Variants in RBFOX1 observed in about 807,000 individuals in gnomAD.
RBFOX1 encodes RNA binding protein fox-1 homolog 1.
RBFOX1 carries 8 observed loss-of-function variants against 57.7 expected under a neutral mutation model. That is an observed-to-expected ratio of 0.14 (90% confidence interval 0.08 to 0.25). RBFOX1 has a LOEUF of 0.25. Among genes scored for constraint, RBFOX1 ranks in the 10% least tolerant of loss-of-function variants. The probability of loss-of-function intolerance (pLI) is 1.00; values close to 1 mark genes in which losing one functional copy is unlikely to be tolerated. For missense variants in RBFOX1, 611 were observed against 548.5 expected (o/e 1.11, Z -1.14); for synonymous variants, 326 against 222.4 (o/e 1.47, Z -4.15).
intron 2 of RBFOX1, among the ~76,000 whole-genome samples, chr16:5,543,454 A>G (rs11648316): frequency 0.31 from 47,294 of 152,098 alleles, 7,942 homozygotes; most frequent in Non-Finnish European, 0.37. Context: ...ATGAGTGAAC[A>G]TGATGACATA....
intron 3 of RBFOX1, among the ~76,000 whole-genome samples, chr16:5,761,672 C>T (rs970641108): frequency 1.4e-4 from 21 of 152,112 alleles, no homozygotes; most frequent in East Asian, 3.9e-4. Context: ...TACCTCTCAC[C>T]GGGTCCTTTC....
chr16:6,461,664 A>AT (rs2094924688), intron 2 of RBFOX1, among the ~76,000 whole-genome samples: 1 of 152,110 alleles, frequency 6.6e-6, no homozygotes, highest in South Asian at 2.1e-4. Flanking sequence ...GGATAACATG[A>AT]TTTTGTTTTG....
intron 1 of RBFOX1, among the ~76,000 whole-genome samples, chr16:6,179,696 A>G (rs1488991416): frequency 6.6e-6 from 1 of 152,058 alleles, no homozygotes; most frequent in Non-Finnish European, 1.5e-5. Context: ...TCCTATTATT[A>G]TTGTTGTTAT....
At chr16:5,983,931 C>T in intron 4 of RBFOX1, among the ~76,000 whole-genome samples, 1 of 144,722 alleles carries the variant, frequency 6.9e-6, no homozygotes, top group Non-Finnish European at 1.5e-5. Flanking sequence ...TCCTCCCCCT[C>T]CTCCTCCTCC....
chr16:7,574,589 C>T (rs1182644942), intron 5 of RBFOX1, among the ~76,000 whole-genome samples: 2 of 152,144 alleles, frequency 1.3e-5, no homozygotes, highest in African/African-American at 4.8e-5. Flanking sequence ...GGCTGGAAGA[C>T]TCAGCCAGTC....
intron 3 of RBFOX1, among the ~76,000 whole-genome samples, chr16:5,814,315 G>T (rs186080649): frequency 4.7e-4 from 71 of 152,246 alleles, no homozygotes; most frequent in African/African-American, 1.2e-3. Context: ...CTCTGTAAAA[G>T]AATATAAAAA....
At chr16:6,030,163 A>C (rs558770239) in intron 1 of RBFOX1, among the ~76,000 whole-genome samples, 6 of 152,178 alleles carry the variant, frequency 3.9e-5, no homozygotes, top group African/African-American at 1.4e-4. Flanking sequence ...CCTGGGGTCA[A>C]GCAATCTTCC....
chr16:6,523,846 G>T (rs959685373), intron 2 of RBFOX1, among the ~76,000 whole-genome samples: 1 of 152,016 alleles, frequency 6.6e-6, no homozygotes, highest in Non-Finnish European at 1.5e-5. Context: ...AATGTGCCTT[G>T]CTACCACAGT....
intron 4 of RBFOX1, among the ~76,000 whole-genome samples, chr16:7,102,727 A>G (rs528280191): frequency 5.9e-5 from 9 of 152,180 alleles, no homozygotes; most frequent in Non-Finnish European, 1.0e-4. Flanking sequence ...TACAATTTAT[A>G]AAGTTTGGAG....
chr16:5,775,471 C>T (rs960255514), intron 3 of RBFOX1, among the ~76,000 whole-genome samples: 1 of 152,188 alleles, frequency 6.6e-6, no homozygotes, highest in South Asian at 2.1e-4. Flanking sequence ...GGTGGAAACA[C>T]CTATGTGTTC....
chr16:6,101,768 A>C (rs907147491), intron 1 of RBFOX1, among the ~76,000 whole-genome samples: 2 of 152,176 alleles, frequency 1.3e-5, no homozygotes, highest in African/African-American at 4.8e-5. Context: ...TAAAAATATA[A>C]ATTATTTTTA....
In RBFOX1 at chr16:6,668,652, G is replaced by A. The variant is rs77356242; in HGVS notation, c.-16+14002G>A. On this transcript the variant is annotated intron_variant, in intron 3 of 15. Transcript: ENST00000550418. Reference sequence around the variant, plus strand: ...ACATGATGTCATCCTCATATAACTAGGGTTATGTTTTGATGCCTTAATTTT... The same window carrying A: ...ACATGATGTCATCCTCATATAACTAAGGTTATGTTTTGATGCCTTAATTTT... 9.1e-3 allele frequency among the ~76,000 whole-genome samples: 1,391 copies of A among 152,162 alleles called. 17 individuals carry two copies. Among genetic ancestry groups the A allele is most frequent in the African/African-American group, 0.032 (1,324 of 41,512 alleles).
At chr16:6,539,055 A>C (rs887074773) in intron 2 of RBFOX1, among the ~76,000 whole-genome samples, 1 of 150,228 alleles carries the variant, frequency 6.7e-6, no homozygotes, top group African/African-American at 2.5e-5. Flanking sequence ...TAAAAGTCCC[A>C]CTCCATTGCT....
At chr16:7,203,412 G>A (rs2089156518) in intron 4 of RBFOX1, among the ~76,000 whole-genome samples, 1 of 152,186 alleles carries the variant, frequency 6.6e-6, no homozygotes, top group Non-Finnish European at 1.5e-5. Flanking sequence ...TGTTTAATGG[G>A]TACACAGTTT....
intron 2 of RBFOX1, among the ~76,000 whole-genome samples, chr16:6,504,356 T>G (rs535607526): frequency 2.7e-4 from 41 of 152,230 alleles, no homozygotes; most frequent in Non-Finnish European, 5.1e-4. Context: ...TCAGACAGTT[T>G]ATTTCAGAGA....
chr16:6,675,716 A>C (rs1340916805), intron 3 of RBFOX1, among the ~76,000 whole-genome samples: 1 of 152,216 alleles, frequency 6.6e-6, no homozygotes, highest in South Asian at 2.1e-4. Context: ...ATGAGAAAAC[A>C]AGCGAAAGGG....
At chr16:7,120,993 A>T (rs1035825194) in intron 4 of RBFOX1, among the ~76,000 whole-genome samples, 24 of 152,090 alleles carry the variant, frequency 1.6e-4, no homozygotes, top group African/African-American at 5.5e-4. Flanking sequence ...ATATTAACAC[A>T]ATAAAGAAGA....
intron 3 of RBFOX1, among the ~76,000 whole-genome samples, chr16:6,764,005 C>G (rs2076987657): frequency 6.6e-6 from 1 of 152,166 alleles, no homozygotes; most frequent in Non-Finnish European, 1.5e-5. Flanking sequence ...AATGAGGTAG[C>G]AGGATGTTAA....
chr16:5,730,411 G>T (rs17134928), intron 3 of RBFOX1, among the ~76,000 whole-genome samples: 4 of 152,018 alleles, frequency 2.6e-5, no homozygotes, highest in Admixed American at 6.5e-5. Flanking sequence ...GTCTGTAGAG[G>T]GCATGGAACT....
Sources: gnomAD v4.1 joint callset for allele counts (sites outside exome capture counted in the v4.1 genomes callset) on GRCh38, gnomAD v4.1.1 for gene constraint, MANE v1.5 for transcripts, NCBI Gene and HGNC (gene_info 2026-07-23, HGNC 2026-07-21) for gene names.